Variants in HS3ST4 observed in about 807,000 individuals in gnomAD.
The protein encoded by HS3ST4 is heparan sulfate glucosamine 3-O-sulfotransferase 4.
HS3ST4 carries 17 observed loss-of-function variants against 29.2 expected under a neutral mutation model. The ratio of observed to expected loss-of-function variants is 0.58; its 90% CI spans 0.40 to 0.87. The LOEUF (loss-of-function observed/expected upper bound fraction) is 0.87. HS3ST4 is among the 40% of genes least tolerant of loss of function. HS3ST4 has a pLI of 0.00. For synonymous variants in HS3ST4, 314 were observed against 285.7 expected (o/e 1.10, Z -1.00); for missense variants, 627 against 634.5 (o/e 0.99, Z 0.13).
At chr16:25,765,252 G>A (rs917250007) in intron 1 of HS3ST4, among the ~76,000 whole-genome samples, 3 of 152,170 alleles carry the variant, frequency 2.0e-5, no homozygotes, top group African/African-American at 4.8e-5. Flanking sequence ...ATGAAATTCT[G>A]TTCCACTGAA....
rs143834974 is a variant in HS3ST4 at position 25,869,436 on chromosome 16, T to C, written c.734+176285T>C. On this transcript the variant is annotated intron_variant, in intron 1 of 1. Transcript: ENST00000331351. ...AGGTTCAGATCCAAGTTTTGCCACA[T>C]GTAAACATTGTAGCTTTGGGCATGT... Among the ~76,000 whole-genome samples the C allele has an allele frequency of 4.2e-3, 638 of 152,340 alleles. 4 individuals carry two copies. Among genetic ancestry groups the C allele is most frequent in the African/African-American group, 0.015 (614 of 41,576 alleles).
chr16:25,907,630 A>T lies in HS3ST4; in HGVS notation c.734+214479A>T, dbSNP rs531137521. Among the ~76,000 whole-genome samples, 19 of 152,266 alleles carry T rather than the reference A, an allele frequency of 1.2e-4. No individual in the cohort carries two copies. In the South Asian group the frequency reaches 3.9e-3, roughly 32 times the overall value. ...GCAGCTCAGAGAAGGACCCAAAGAT[A>T]CCCTTATCCTAACAGTCAATATTTA... On this transcript the variant is annotated intron_variant, in intron 1 of 1. Coordinates refer to ENST00000331351, the MANE Select transcript of HS3ST4 (RefSeq NM_006040.3).
intron 1 of HS3ST4, among the ~76,000 whole-genome samples, chr16:25,988,126 T>C (rs1969081080): frequency 6.6e-6 from 1 of 152,218 alleles, no homozygotes; most frequent in Non-Finnish European, 1.5e-5. Context: ...ATGACCAGGC[T>C]GCCGGCTAAT....
At chr16:26,096,158 C>A (rs1019787440) in intron 1 of HS3ST4, among the ~76,000 whole-genome samples, 6 of 152,156 alleles carry the variant, frequency 3.9e-5, no homozygotes, top group African/African-American at 1.4e-4. Context: ...CGAATACTAC[C>A]AGAGGTACAA....
At chr16:25,814,118 G>T (rs367665148) in intron 1 of HS3ST4, among the ~76,000 whole-genome samples, 1 of 152,144 alleles carries the variant, frequency 6.6e-6, no homozygotes, top group Non-Finnish European at 1.5e-5. Flanking sequence ...GAATCTCTGC[G>T]GGTGATGGAA....
intron 1 of HS3ST4, among the ~76,000 whole-genome samples, chr16:25,822,280 C>A (rs748937153): frequency 1.3e-5 from 2 of 152,130 alleles, no homozygotes; most frequent in Admixed American, 6.5e-5. Context: ...ACTCTTGCCT[C>A]ACTCAAGAGG....
chr16:26,014,056 A>C (rs1969340027), intron 1 of HS3ST4, among the ~76,000 whole-genome samples: 1 of 129,380 alleles, frequency 7.7e-6, no homozygotes, highest in Non-Finnish European at 1.7e-5. Flanking sequence ...AAAATTAAAA[A>C]ATTTTAAAAA....
At position 25,816,934 on chromosome 16, in the gene HS3ST4, CATGAATGGAT is replaced by C. The variant is rs1243192887; in HGVS notation, c.734+123784_734+123793del. Among the ~76,000 whole-genome samples the C allele has an allele frequency of 2.2e-3, 330 of 152,260 alleles. 1 individual carries two copies. The highest frequency in any genetic ancestry group is 7.7e-3 in the African/African-American group (321 of 41,548). On this transcript the variant is annotated intron_variant, in intron 1 of 1. Coordinates refer to ENST00000331351, the MANE Select transcript of HS3ST4 (RefSeq NM_006040.3). ...GAGATAACCCATTAATCCATTAACC[CATGAATGGAT>C]TGTCCATTCATGAGGGCAGAGCCTT...
intron 1 of HS3ST4, among the ~76,000 whole-genome samples, chr16:26,106,884 C>T (rs1899064261): frequency 6.6e-6 from 1 of 152,192 alleles, no homozygotes; most frequent in Admixed American, 6.5e-5. Flanking sequence ...GCCCTGTGGG[C>T]AAGGGCTTAG....
intron 1 of HS3ST4, among the ~76,000 whole-genome samples, chr16:26,051,911 TC>T (rs1567302213): frequency 1.7e-3 from 105 of 63,530 alleles, no homozygotes; most frequent in African/African-American, 5.7e-3. Flanking sequence ...CCTCCCTCCC[TC>T]CCTTCCTTCC....
intron 1 of HS3ST4, among the ~76,000 whole-genome samples, chr16:25,868,965 G>T (rs538248256): frequency 6.6e-6 from 1 of 152,268 alleles, no homozygotes; most frequent in Admixed American, 6.5e-5. Flanking sequence ...GTGTATATGT[G>T]TGTCTGTGTG....
Position 26,049,394 on chromosome 16 carries a change from TACATCCGGAG to T in HS3ST4, c.735-86216_735-86207del, listed in dbSNP as rs138851527. Reference sequence around the variant, plus strand: ...ATCCGGAGGTCTACATCCGGAGGTCTACATCCGGAGAATGATGTGGCTGTGAGTAGATGTG... The same window carrying T: ...ATCCGGAGGTCTACATCCGGAGGTCTAATGATGTGGCTGTGAGTAGATGTG... On this transcript the variant is annotated intron_variant, in intron 1 of 1. Coordinates refer to ENST00000331351, the MANE Select transcript of HS3ST4 (RefSeq NM_006040.3). 1.2e-3 allele frequency among the ~76,000 whole-genome samples: 158 copies of T among 132,792 alleles called. 2 individuals carry two copies. Among genetic ancestry groups the T allele is most frequent in the African/African-American group, 4.1e-3 (151 of 36,556 alleles). The allele number at this position is 132,792 out of a possible 152,430, so 87.1% of individuals were successfully genotyped here. A position where few individuals can be genotyped will look rare whatever the true frequency, so the allele number is the denominator to read the frequency against.
At chr16:25,693,211 C>T in intron 1 of HS3ST4, 60 bp downstream of exon 1, 2 of 1,467,154 alleles carry the variant, frequency 1.4e-6, no homozygotes, top group Non-Finnish European at 1.8e-6. Context: ...GAGGGGAAGC[C>T]GCGGCTTTCC....
Position 26,024,242 on chromosome 16 carries a change from A to AG in HS3ST4, c.735-111370_735-111369insG, listed in dbSNP as rs1300046414. Among the ~76,000 whole-genome samples, 3 of 151,852 alleles carry AG rather than the reference A, an allele frequency of 2.0e-5. No homozygotes were observed. The East Asian group carries it at 5.8e-4, about 29-fold the overall frequency. ...CGTCTCAAAAGGAAAAAAAAAAAAAAAAGGCAATGTCTGTAAAGCACTTAG... is the reference window on the plus strand; with the variant it reads ...CGTCTCAAAAGGAAAAAAAAAAAAAAGAAGGCAATGTCTGTAAAGCACTTAG... On this transcript the variant is annotated intron_variant, in intron 1 of 1. Transcript: ENST00000331351.
At chr16:25,725,033 C>CT (rs5816321) in intron 1 of HS3ST4, among the ~76,000 whole-genome samples, 54 of 132,682 alleles carry the variant, frequency 4.1e-4, no homozygotes, top group Middle Eastern at 4.0e-3. Flanking sequence ...CTTCCTCCCT[C>CT]TTTTTTTTTT....
intron 1 of HS3ST4, among the ~76,000 whole-genome samples, chr16:25,763,138 G>T (rs1966799022): frequency 6.6e-6 from 1 of 152,114 alleles, no homozygotes; most frequent in Non-Finnish European, 1.5e-5. Context: ...ATCCACTCAG[G>T]TAGCAGGCTG....
chr16:25,798,023 A>G (rs929792562), intron 1 of HS3ST4, among the ~76,000 whole-genome samples: 2 of 152,118 alleles, frequency 1.3e-5, no homozygotes, highest in African/African-American at 2.4e-5. Context: ...GTATGTGTTG[A>G]GTGTGGGGTA....
chr16:25,935,970 T>A (rs1000909888), intron 1 of HS3ST4, among the ~76,000 whole-genome samples: 2 of 152,212 alleles, frequency 1.3e-5, no homozygotes, highest in Non-Finnish European at 2.9e-5. Context: ...TTGCCATGTT[T>A]CCCAGGCTTG....
intron 1 of HS3ST4, among the ~76,000 whole-genome samples, chr16:25,983,028 G>A (rs1398533592): frequency 6.6e-6 from 1 of 152,192 alleles, no homozygotes; most frequent in Non-Finnish European, 1.5e-5. Flanking sequence ...CCCTCATGGA[G>A]CTTACATTCC....
Sources: gnomAD v4.1 joint callset for allele counts (sites outside exome capture counted in the v4.1 genomes callset) on GRCh38, gnomAD v4.1.1 for gene constraint, MANE v1.5 for transcripts, NCBI Gene and HGNC (gene_info 2026-07-23, HGNC 2026-07-21) for gene names.